Variants in STXBP6 observed in about 807,000 individuals in gnomAD.
STXBP6 encodes syntaxin binding protein 6.
In STXBP6, 21 loss-of-function variants were observed where a neutral mutation model predicts 26.9. That is an observed-to-expected ratio of 0.78 (90% CI 0.55 to 1.12). The LOEUF (loss-of-function observed/expected upper bound fraction) is 1.12. Ranked by LOEUF, STXBP6 falls within the 50% of genes most tolerant of loss-of-function variation. The pLI is 0.00. For synonymous variants in STXBP6, 97 were observed against 92.6 expected (o/e 1.05, Z -0.27); for missense variants, 232 against 257.9 (o/e 0.90, Z 0.69).
At chr14:24,864,986 G>A (rs2069668425) in intron 2 of STXBP6, among the ~76,000 whole-genome samples, 1 of 151,938 alleles carries the variant, frequency 6.6e-6, no homozygotes, top group South Asian at 2.1e-4. Flanking sequence ...AACATGCTCT[G>A]GTTAAAACCA....
rs558748140 is a variant in STXBP6 at position 25,030,559 on chromosome 14, C to T, written c.-33+19319G>A. ...GGCAATACAGAAAACAAAATGCTTA[C>T]TGTGTTGGGCAAGGGAACAGGAGAA... On this transcript the variant is annotated intron_variant, in intron 1 of 5. Coordinates refer to ENST00000323944, the MANE Select transcript of STXBP6 (RefSeq NM_001394410.1). Among the ~76,000 whole-genome samples, 20 of 152,272 alleles carry T rather than the reference C, an allele frequency of 1.3e-4. No homozygotes were observed. In the East Asian group the frequency reaches 3.3e-3, roughly 25 times the overall value.
intron 1 of STXBP6, among the ~76,000 whole-genome samples, chr14:24,978,738 T>C (rs1595239155): frequency 6.6e-6 from 1 of 152,342 alleles, no homozygotes; most frequent in South Asian, 2.1e-4. Context: ...ATCTTCTCAC[T>C]TTGTGCCATC....
chr14:24,967,718 T>C (rs1305827657), intron 2 of STXBP6, among the ~76,000 whole-genome samples: 1 of 152,222 alleles, frequency 6.6e-6, no homozygotes, highest in East Asian at 1.9e-4. Context: ...CTTACCCTGA[T>C]ATATATTCCA....
chr14:25,000,826 C>T (rs114876388), intron 1 of STXBP6, among the ~76,000 whole-genome samples: 4,395 of 150,936 alleles, frequency 0.029, 228 homozygotes, highest in African/African-American at 0.1. Flanking sequence ...CCAGGCCTTG[C>T]TGAGTTTCCC....
intron 2 of STXBP6, among the ~76,000 whole-genome samples, chr14:24,920,030 C>T (rs558939994): frequency 6.6e-6 from 1 of 152,048 alleles, no homozygotes; most frequent in South Asian, 2.1e-4. Context: ...TTTTGATATC[C>T]AAAAATTTCC....
rs1381723156 is a variant in STXBP6, at chr14:25,011,140, G to A, written c.-32-36290C>T. The stretch of plus-strand genomic sequence containing the variant: ...CTACAAAAACTAGTTTAGTATTAAA[G>A]ATCTACTTTCCAACAAAGAAATTTA... On this transcript the variant is annotated intron_variant, in intron 1 of 5. Coordinates refer to ENST00000323944, the MANE Select transcript of STXBP6 (RefSeq NM_001394410.1). 7.3e-5 allele frequency among the ~76,000 whole-genome samples: 11 copies of A among 151,078 alleles called. 1 individual carries two copies. The highest frequency in any genetic ancestry group is 7.2e-4 in the Admixed American group (11 of 15,186).
chr14:25,037,358 G>A (rs566772393), intron 1 of STXBP6, among the ~76,000 whole-genome samples: 1 of 152,316 alleles, frequency 6.6e-6, no homozygotes, highest in East Asian at 1.9e-4. Flanking sequence ...AGGAGAGGCA[G>A]GGTAGGGAAA....
intron 2 of STXBP6, among the ~76,000 whole-genome samples, chr14:24,885,276 C>T (rs183548827): frequency 6.6e-6 from 1 of 152,306 alleles, no homozygotes; most frequent in African/African-American, 2.4e-5. Flanking sequence ...GTGTCTGCCA[C>T]CTCTCCCAGG....
rs564996235 is a variant in STXBP6 at position 24,841,173 on chromosome 14, T to C, written c.451+14763A>G. The stretch of plus-strand genomic sequence containing the variant: ...AGGTGGTGAATAATCAGTCTTTGCT[T>C]TTCTGAATATATCTTTGTATTTCTC... On this transcript the variant is annotated intron_variant, in intron 4 of 5. Transcript: ENST00000323944. 3.3e-5 allele frequency among the ~76,000 whole-genome samples: 5 copies of C among 152,294 alleles called. No homozygotes were observed. The South Asian group carries it at 8.3e-4, about 25-fold the overall frequency.
At chr14:25,009,670 A>G (rs892912077) in intron 1 of STXBP6, among the ~76,000 whole-genome samples, 2 of 152,180 alleles carry the variant, frequency 1.3e-5, no homozygotes, top group Non-Finnish European at 2.9e-5. Flanking sequence ...CAGGTTTTCT[A>G]GTCCCACTGG....
At chr14:24,945,157 T>TTTTTTTTTTTTTG (rs2072942007) in intron 2 of STXBP6, among the ~76,000 whole-genome samples, 1 of 136,630 alleles carries the variant, frequency 7.3e-6, no homozygotes, top group Non-Finnish European at 1.6e-5. Context: ...TTTTTTTTTT[T>TTTTTTTTTTTTTG]TTTTTTTTTA....
At chr14:25,025,562 A>G (rs951047523) in intron 1 of STXBP6, among the ~76,000 whole-genome samples, 1 of 152,258 alleles carries the variant, frequency 6.6e-6, no homozygotes, top group Non-Finnish European at 1.5e-5. Context: ...TGTAGAATTA[A>G]GAGACCTGAT....
At chr14:24,948,463 CA>C (rs2073063488) in intron 2 of STXBP6, among the ~76,000 whole-genome samples, 1 of 152,138 alleles carries the variant, frequency 6.6e-6, no homozygotes. Context: ...CACTCAGTAA[CA>C]GACTGTTACT....
chr14:25,033,727 C>T (rs997877171), intron 1 of STXBP6, among the ~76,000 whole-genome samples: 3 of 152,190 alleles, frequency 2.0e-5, no homozygotes, highest in African/African-American at 7.2e-5. Flanking sequence ...ACATGTACCC[C>T]CCTGGAGCAC....
At chr14:25,026,479 AAC>A (rs1450686425) in intron 1 of STXBP6, among the ~76,000 whole-genome samples, 8 of 152,322 alleles carry the variant, frequency 5.3e-5, no homozygotes, top group African/African-American at 1.9e-4. Flanking sequence ...CCCATAATCA[AAC>A]ACGGTAATAC....
At chr14:25,026,135 T>A (rs2075345505) in intron 1 of STXBP6, among the ~76,000 whole-genome samples, 1 of 152,310 alleles carries the variant, frequency 6.6e-6, no homozygotes, top group Admixed American at 6.5e-5. Flanking sequence ...ACTGAACTTC[T>A]GTAGGAGAAA....
At chr14:25,035,901 T>C (rs563940839) in intron 1 of STXBP6, among the ~76,000 whole-genome samples, 147 of 152,284 alleles carry the variant, frequency 9.7e-4, no homozygotes, top group African/African-American at 3.0e-3. Context: ...CAGAGGTTTC[T>C]TTGCTACTAC....
chr14:25,011,014 C>T (rs558687235), intron 1 of STXBP6, among the ~76,000 whole-genome samples: 1 of 150,962 alleles, frequency 6.6e-6, no homozygotes, highest in East Asian at 1.9e-4. Context: ...CTAAATGCAA[C>T]TAATTACTTA....
rs578220664 is a variant in STXBP6 at position 25,000,959 on chromosome 14, T to A, written c.-32-26109A>T. Among the ~76,000 whole-genome samples the A allele has an allele frequency of 7.2e-5, 11 of 152,176 alleles. No individual in the cohort carries two copies. In the East Asian group the frequency reaches 2.0e-3, roughly 27 times the overall value. On this transcript the variant is annotated intron_variant, in intron 1 of 5. Transcript: ENST00000323944. ...TTTCCCCTCTATCTTTGGGTCTTCA[T>A]TTGGAAGGCTCCTGCTTGTTCACGA...
Sources: gnomAD v4.1 joint callset for allele counts (sites outside exome capture counted in the v4.1 genomes callset) on GRCh38, gnomAD v4.1.1 for gene constraint, MANE v1.5 for transcripts, NCBI Gene and HGNC (gene_info 2026-07-23, HGNC 2026-07-21) for gene names.